GALNT13: variants seen among roughly 807,000 people sequenced by gnomAD.
GALNT13 encodes UDP-GalNAc:polypeptide N-acetylgalactosaminyltransferase 13.
In GALNT13, 28 loss-of-function variants were observed where a neutral mutation model predicts 64.2. That is an observed-to-expected ratio of 0.44 (90% confidence interval 0.32 to 0.60). The LOEUF (loss-of-function observed/expected upper bound fraction) is 0.60. Among genes scored for constraint, GALNT13 ranks in the 20% least tolerant of loss-of-function variants. The pLI is 0.05. For synonymous variants in GALNT13, 214 were observed against 224.6 expected, an observed-to-expected ratio of 0.95 and a Z score of 0.42; for missense variants, 577 against 669.8, an observed-to-expected ratio of 0.86 and a Z score of 1.53.
the GALNT13 span, among the ~76,000 whole-genome samples, chr2:153,830,207 C>A: frequency 2.6e-5 from 4 of 152,004 alleles, no homozygotes; most frequent in Non-Finnish European, 5.9e-5. Flanking sequence ...TTAGAACATG[C>A]TTTTCAAAAT....
chr2:153,875,505 C>A (rs1686301559), intron 1 of GALNT13, among the ~76,000 whole-genome samples: 1 of 152,074 alleles, frequency 6.6e-6, no homozygotes, highest in Non-Finnish European at 1.5e-5. Context: ...ACAGTTATGT[C>A]AGAGTGAACT....
chr2:154,339,113 T>C (rs1210753396), intron 9 of GALNT13, among the ~76,000 whole-genome samples: 1 of 152,150 alleles, frequency 6.6e-6, no homozygotes, highest in East Asian at 1.9e-4. Context: ...CATTCAATCA[T>C]GGGCAAAATC....
At chr2:153,432,196 T>A in the GALNT13 span, among the ~76,000 whole-genome samples, 1 of 152,206 alleles carries the variant, frequency 6.6e-6, no homozygotes, top group Non-Finnish European at 1.5e-5. Context: ...AGGTCAATAG[T>A]ACACTTGTGT....
chr2:153,348,672 G>GC, the GALNT13 span, among the ~76,000 whole-genome samples: 3 of 152,198 alleles, frequency 2.0e-5, no homozygotes, highest in Admixed American at 6.5e-5. Context: ...CCTTAGAAAT[G>GC]CAATGGATGG....
chr2:153,528,437 T>G, the GALNT13 span, among the ~76,000 whole-genome samples: 10,759 of 151,978 alleles, frequency 0.071, 1,255 homozygotes, highest in African/African-American at 0.24. Context: ...AAAGCAAATA[T>G]TATTAGAGCT....
the GALNT13 span, among the ~76,000 whole-genome samples, chr2:153,768,265 G>A: frequency 6.6e-6 from 1 of 152,174 alleles, no homozygotes; most frequent in East Asian, 1.9e-4. Flanking sequence ...CGTATATTCT[G>A]TGGTCATTGG....
chr2:154,292,348 T>G (rs962662130), intron 8 of GALNT13, among the ~76,000 whole-genome samples: 8 of 152,210 alleles, frequency 5.3e-5, no homozygotes, highest in Non-Finnish European at 1.2e-4. Context: ...CCTCTCTATT[T>G]CACTGCCATC....
intron 3 of GALNT13, among the ~76,000 whole-genome samples, chr2:154,098,864 C>T (rs1381803636): frequency 1.3e-5 from 2 of 151,782 alleles, no homozygotes; most frequent in Non-Finnish European, 2.9e-5. Context: ...TTGTGAGTAG[C>T]GCTGTGATAA....
chr2:153,386,556 G>A, the GALNT13 span, among the ~76,000 whole-genome samples: 2 of 151,980 alleles, frequency 1.3e-5, no homozygotes, highest in South Asian at 2.1e-4. Context: ...GATCTGAGTT[G>A]GGCCAGAGAG....
At chr2:154,096,578 T>C (rs930914808) in intron 3 of GALNT13, among the ~76,000 whole-genome samples, 1 of 152,086 alleles carries the variant, frequency 6.6e-6, no homozygotes, top group African/African-American at 2.4e-5. Flanking sequence ...ATATTCTTGC[T>C]TTTTGATTTC....
chr2:154,296,869 C>G (rs900592972), intron 8 of GALNT13, among the ~76,000 whole-genome samples: 22 of 152,048 alleles, frequency 1.4e-4, no homozygotes, highest in Admixed American at 2.6e-4. Context: ...TTGCTGCATC[C>G]ATCAACCCGT....
At chr2:153,522,288 G>A in the GALNT13 span, among the ~76,000 whole-genome samples, 1 of 151,702 alleles carries the variant, frequency 6.6e-6, no homozygotes, top group African/African-American at 2.4e-5. Context: ...AGCCCAGATC[G>A]CGCCATTGCA....
chr2:154,455,588 A>G (rs918545609), downstream of GALNT13, among the ~76,000 whole-genome samples: 2 of 2,018 alleles, frequency 9.9e-4, no homozygotes, highest in Non-Finnish European at 0.018. Context: ...AATAGGTGAA[A>G]TCAGCCCCTT....
intron 9 of GALNT13, among the ~76,000 whole-genome samples, chr2:154,305,512 C>G (rs574904943): frequency 1.3e-5 from 2 of 152,206 alleles, no homozygotes; most frequent in African/African-American, 4.8e-5. Context: ...AGAAACTCCT[C>G]TATATATTTG....
At chr2:154,268,503 C>T (rs982631226) in intron 8 of GALNT13, among the ~76,000 whole-genome samples, 3 of 152,058 alleles carry the variant, frequency 2.0e-5, no homozygotes, top group African/African-American at 7.2e-5. Context: ...ATTGTGGTGA[C>T]AGCCTCACAA....
At position 153,921,727 on chromosome 2, in the gene GALNT13, G is replaced by A. The variant is rs144611337; in HGVS notation, c.-105+20720G>A. Among the ~76,000 whole-genome samples, 1,330 of 152,176 alleles carry A rather than the reference G, an allele frequency of 8.7e-3. 13 individuals are homozygous for A. Among genetic ancestry groups the A allele is most frequent in the South Asian group, 0.021 (103 of 4,826 alleles). On this transcript the variant is annotated intron_variant, in intron 2 of 12. Coordinates refer to ENST00000392825, the MANE Select transcript of GALNT13 (RefSeq NM_052917.4). Reference sequence around the variant, plus strand: ...TATTGGAATGGCCGAGAGATACAGTGTTTTCTCCATAGTAGAGGAAGAAAA... The same window carrying A: ...TATTGGAATGGCCGAGAGATACAGTATTTTCTCCATAGTAGAGGAAGAAAA...
the GALNT13 span, among the ~76,000 whole-genome samples, chr2:153,112,846 TG>T: frequency 6.6e-6 from 1 of 152,058 alleles, no homozygotes; most frequent in Non-Finnish European, 1.5e-5. Context: ...TTTGTGACTG[TG>T]GTTTAGTTTT....
At chr2:153,778,180 G>A in the GALNT13 span, among the ~76,000 whole-genome samples, 1 of 152,142 alleles carries the variant, frequency 6.6e-6, no homozygotes, top group East Asian at 1.9e-4. Flanking sequence ...TCCTCTCGAT[G>A]TCCAGCTGTC....
chr2:153,938,553 C>G (rs1691111991), intron 2 of GALNT13, among the ~76,000 whole-genome samples: 1 of 152,102 alleles, frequency 6.6e-6, no homozygotes, highest in Non-Finnish European at 1.5e-5. Context: ...ATTTAACTAG[C>G]CAGTGTTTTA....
Sources: gnomAD v4.1 joint callset for allele counts (sites outside exome capture counted in the v4.1 genomes callset) on GRCh38, gnomAD v4.1.1 for gene constraint, MANE v1.5 for transcripts, NCBI Gene and HGNC (gene_info 2026-07-23, HGNC 2026-07-21) for gene names.